Variants in TMBIM6 observed in about 807,000 individuals in gnomAD.
TMBIM6 encodes bax inhibitor 1.
In TMBIM6, 13 loss-of-function variants were observed where a neutral mutation model predicts 31.4. That is an observed-to-expected ratio of 0.41 (90% CI 0.27 to 0.66). The LOEUF is 0.66. Among genes scored for constraint, TMBIM6 ranks in the 30% least tolerant of loss-of-function variants. The pLI, the probability that TMBIM6 is intolerant of heterozygous loss-of-function variation, is 0.28. For missense variants in TMBIM6, 275 were observed against 289.5 expected, an observed-to-expected ratio of 0.95 and a Z score of 0.36; for synonymous variants, 85 against 101.7, an observed-to-expected ratio of 0.84 and a Z score of 0.99.
chr12:49,761,932 C>A, intron 9 of TMBIM6, 153 bp downstream of exon 9: 3 of 640,114 alleles, frequency 4.7e-6, no homozygotes, highest in Non-Finnish European at 7.5e-6. Flanking sequence ...CAGAAGTCTT[C>A]AGTTGTTAGA....
chr12:49,755,500 A>G, intron 3 of TMBIM6, 135 bp from the exon 4 acceptor site: 3 of 1,106,900 alleles, frequency 2.7e-6, no homozygotes, highest in South Asian at 3.0e-5. Flanking sequence ...AGAAAACACT[A>G]CTTTTTCTCC....
chr12:49,763,930 G>C lies in TMBIM6; in HGVS notation c.*1034G>C, dbSNP rs1411586840. On this transcript the variant is annotated 3_prime_UTR_variant, in exon 10 of 10. Transcript: ENST00000267115. ...ACAGAGCGAGGCTGTGATAACTTAG[G>C]AGGCAGCAATCCTAATAGTCCTTCA... 2 of 152,234 alleles carry C rather than the reference G, an allele frequency of 1.3e-5. No individual in the cohort carries two copies. The highest frequency in any genetic ancestry group is 2.9e-5 in the Non-Finnish European group (2 of 68,048). The allele number at this position is 152,234 out of a possible 1,614,324, so 9.4% of individuals were successfully genotyped here.
chr12:49,757,737 G>C (rs1337850222), intron 4 of TMBIM6, among the ~76,000 whole-genome samples: 1 of 152,190 alleles, frequency 6.6e-6, no homozygotes. Context: ...CGAAAGAAAT[G>C]TTAGAGCTGG....
intron 9 of TMBIM6, chr12:49,761,982 T>A (rs1164017913): frequency 1.8e-6 from 1 of 541,536 alleles, no homozygotes; most frequent in Non-Finnish European, 3.2e-6. Flanking sequence ...TTTAACTAAT[T>A]CCTGCGTTTA....
chr12:49,759,879 G>A (rs550258034), intron 8 of TMBIM6, among the ~76,000 whole-genome samples: 15 of 151,314 alleles, frequency 9.9e-5, no homozygotes, highest in African/African-American at 3.6e-4. Context: ...TTGGGAGGTC[G>A]GGGCAGGCGG....
chr12:49,748,278 A>G (rs1945433844), intron 1 of TMBIM6, among the ~76,000 whole-genome samples: 1 of 152,082 alleles, frequency 6.6e-6, no homozygotes, highest in African/African-American at 2.4e-5. Context: ...ATTTTAGGAC[A>G]AGGGTAAGGG....
Position 49,759,271 on chromosome 12 carries a change from TACTCA to T in TMBIM6, c.570_574del (p.Gln190HisfsTer3). ...TCATGTGTGGCTTCGTCCTTTTTGA[TACTCA>T]ACTCATTATTGAAAAGGCCGAACAT... On this transcript the variant is annotated frameshift_variant, in exon 8 of 10. Transcript: ENST00000267115. LOFTEE classifies it high-confidence loss of function. 1 of 1,614,186 alleles carries T rather than the reference TACTCA, an allele frequency of 6.2e-7. No individual in the cohort carries two copies. The highest frequency in any genetic ancestry group is 8.5e-7 in the Non-Finnish European group (1 of 1,180,036).
intron 1 of TMBIM6, among the ~76,000 whole-genome samples, chr12:49,745,603 T>C (rs1222969420): frequency 6.6e-6 from 1 of 152,040 alleles, no homozygotes; most frequent in African/African-American, 2.4e-5. Flanking sequence ...CACACACCTG[T>C]AATCCCAGCT....
chr12:49,758,108 T>G, intron 4 of TMBIM6, 119 bp from the exon 5 acceptor site: 3 of 1,035,622 alleles, frequency 2.9e-6, no homozygotes, highest in African/African-American at 1.6e-5. Context: ...AGAGATTTAA[T>G]TCTTTAGTCC....
chr12:49,743,045 C>T (rs1424030551), intron 1 of TMBIM6, among the ~76,000 whole-genome samples: 2 of 142,296 alleles, frequency 1.4e-5, no homozygotes, highest in South Asian at 2.2e-4. Flanking sequence ...AGTGCAGTGG[C>T]GCAGTCATGG....
intron 1 of TMBIM6, 32 bp from the exon 2 acceptor site, chr12:49,752,432 C>A: frequency 9.2e-6 from 13 of 1,418,018 alleles, no homozygotes; most frequent in Non-Finnish European, 1.3e-5. Context: ...TTCTGTATGA[C>A]TTAATGACTC....
chr12:49,754,736 C>G (rs1327428981), intron 3 of TMBIM6, among the ~76,000 whole-genome samples: 4 of 152,138 alleles, frequency 2.6e-5, no homozygotes, highest in Non-Finnish European at 5.9e-5. Flanking sequence ...ATAGTTTTTC[C>G]CACTTGGCGT....
At chr12:49,753,780 G>A (rs879560208) in intron 3 of TMBIM6, among the ~76,000 whole-genome samples, 2 of 152,182 alleles carry the variant, frequency 1.3e-5, no homozygotes, top group Non-Finnish European at 2.9e-5. Context: ...TCAAAGGATA[G>A]GGCTTTGATC....
chr12:49,741,684 A>G (rs1368908726), intron 1 of TMBIM6, 73 bp downstream of exon 1: 1 of 202,400 alleles, frequency 4.9e-6, no homozygotes, highest in Admixed American at 5.4e-5. Flanking sequence ...CTGTCTGAGC[A>G]AGAGTGGCAG....
intron 1 of TMBIM6, among the ~76,000 whole-genome samples, chr12:49,743,993 A>G (rs1205942460): frequency 1.3e-5 from 2 of 152,238 alleles, no homozygotes; most frequent in Non-Finnish European, 2.9e-5. Flanking sequence ...AAATAACCTT[A>G]GGTAAAATGA....
rs961393398 is a variant in TMBIM6 at position 49,763,038 on chromosome 12, A to AT, written c.*148dup. 2.1e-6 allele frequency: 2 copies of AT among 957,240 alleles called. No homozygotes were observed. The highest frequency in any genetic ancestry group is 1.6e-5 in the African/African-American group (1 of 61,282). The allele number at this position is 957,240 out of a possible 1,614,324, so 59.3% of individuals were successfully genotyped here. On this transcript the variant is annotated 3_prime_UTR_variant, in exon 10 of 10. Coordinates refer to ENST00000267115, the MANE Select transcript of TMBIM6 (RefSeq NM_003217.3). ...TACTTTGTGGTTTCCTCTATTTTGA[A>AT]TTTTTTGATCAAAAAACTGATTAGC... is the stretch of plus-strand genomic sequence containing the variant.
rs57668484 is a variant in TMBIM6 at position 49,759,805 on chromosome 12, C to CA, written c.614+502dup. ...CTGGCAACAGAGCGAGACCCTGTCT[C>CA]AAAAAAAAAAAAAAAAAAGTGTGGG... On this transcript the variant is annotated intron_variant, in intron 8 of 9. Transcript: ENST00000267115. 4.8e-3 allele frequency among the ~76,000 whole-genome samples: 440 copies of CA among 91,620 alleles called. 3 individuals carry two copies. The highest frequency in any genetic ancestry group is 0.014 in the Middle Eastern group (2 of 144). The allele number at this position is 91,620 out of a possible 152,430, so 60.1% of individuals were successfully genotyped here.
At position 49,761,750 on chromosome 12, in the gene TMBIM6, C is replaced by T; in HGVS notation, c.661C>T (p.Leu221Phe). ...FLDFITVFRK[L>F]MMILAMNEKD... ...AGATTTCATTACTGTCTTCAGAAAA[C>T]TCATGATGATCCTGGCCATGAATGA... Residue 221 changes from leucine to phenylalanine, a missense_variant, in exon 9 of 10, where the codon CTC becomes TTC. Coordinates refer to ENST00000267115, the MANE Select transcript of TMBIM6 (RefSeq NM_003217.3). 1 of 1,614,204 alleles carries T rather than the reference C, an allele frequency of 6.2e-7. No homozygotes were observed. Among genetic ancestry groups the T allele is most frequent in the Non-Finnish European group, 8.5e-7 (1 of 1,180,038 alleles).
rs201023385 is a variant in TMBIM6 at position 49,752,390 on chromosome 12, C to CTT, written c.-30-61_-30-60dup. 3,095 of 869,274 alleles carry CTT rather than the reference C, an allele frequency of 3.6e-3. 2 individuals carry two copies. The highest frequency in any genetic ancestry group is 6.9e-3 in the African/African-American group (375 of 54,286). 53.8% of individuals were successfully genotyped at this position (869,274 alleles called of 1,614,324 possible). Reference sequence around the variant, plus strand: ...TTCATCTTTCTGAACTTACATGTTGCTTTTTTTTTTTTTTATAAGCTGTTC... The same window carrying CTT: ...TTCATCTTTCTGAACTTACATGTTGCTTTTTTTTTTTTTTTTATAAGCTGTTC... On this transcript the variant is annotated intron_variant, in intron 1 of 9. Coordinates refer to ENST00000267115, the MANE Select transcript of TMBIM6 (RefSeq NM_003217.3).
Sources: allele counts gnomAD v4.1 joint callset (sites outside exome capture counted in the v4.1 genomes callset), GRCh38; gene constraint gnomAD v4.1.1; transcripts MANE v1.5; gene names NCBI Gene and HGNC (gene_info 2026-07-23, HGNC 2026-07-21).